EIF2D: variants seen among roughly 807,000 people sequenced by gnomAD.
The protein encoded by EIF2D is hepatocellular carcinoma-associated antigen 56.
Under a neutral mutation model 77.4 loss-of-function variants are expected in EIF2D, and 56 were observed. The observed-to-expected ratio is 0.72, with a 90% CI of 0.58 to 0.90. The LOEUF is 0.90. Among genes scored for constraint, EIF2D ranks in the 40% least tolerant of loss-of-function variants. The pLI is 0.00. For synonymous variants in EIF2D, 230 were observed against 271.0 expected (o/e 0.85, Z 1.49); for missense variants, 574 against 706.5 (o/e 0.81, Z 2.13).
intron 12 of EIF2D, 138 bp from the exon 13 acceptor site, chr1:206,595,976 C>T: frequency 8.5e-7 from 1 of 1,181,902 alleles, no homozygotes; most frequent in Non-Finnish European, 1.2e-6. Context: ...TCATTCAAAT[C>T]CCTAGGGAGC....
At chr1:206,608,214 G>T in intron 4 of EIF2D, 22 bp downstream of exon 4, 2 of 1,600,058 alleles carry the variant, frequency 1.2e-6, no homozygotes, top group Non-Finnish European at 1.7e-6. Flanking sequence ...TCCCCCAAAG[G>T]CACAGTTGCC....
intron 2 of EIF2D, chr1:206,585,627 C>T (rs1553407486): frequency 4.9e-6 from 1 of 203,122 alleles, no homozygotes; most frequent in Non-Finnish European, 1.0e-5. Context: ...CAAAATGGCC[C>T]GAGGGCTACC....
chr1:206,577,532 A>G (rs1213041471), intron 4 of EIF2D, among the ~76,000 whole-genome samples: 1 of 152,252 alleles, frequency 6.6e-6, no homozygotes, highest in Non-Finnish European at 1.5e-5. Flanking sequence ...CTTAGAGATT[A>G]TCTGACTTTC....
At chr1:206,591,026 T>C (rs1406140101), downstream of EIF2D, among the ~76,000 whole-genome samples, 1 of 152,136 alleles carries the variant, frequency 6.6e-6, no homozygotes, top group Admixed American at 6.5e-5. Flanking sequence ...TCGTACAAAA[T>C]CTGTGCACCA....
At chr1:206,587,127 G>A, downstream of EIF2D, 1 of 1,019,232 alleles carries the variant, frequency 9.8e-7, no homozygotes, top group South Asian at 1.4e-5. Flanking sequence ...TCTCTTCCAT[G>A]GACAAGTGTT....
chr1:206,586,535 C>G, intron 2 of EIF2D: 5 of 277,996 alleles, frequency 1.8e-5, no homozygotes, highest in South Asian at 8.2e-5. Context: ...GCATCACTGT[C>G]AAGATCTCGG....
At chr1:206,577,207 G>A (rs1468207310) in intron 4 of EIF2D, among the ~76,000 whole-genome samples, 4 of 152,144 alleles carry the variant, frequency 2.6e-5, no homozygotes, top group African/African-American at 9.7e-5. Context: ...TGCGTGGCCT[G>A]CAAAACCTAA....
Position 206,599,912 on chromosome 1 carries a change from T to A in EIF2D, c.949-76A>T. ...ACTGAGCACCCAGGATGTGCCAGAG[T>A]GAGCTAGGCAGGGACTGTGCAGGGA... is the stretch of plus-strand genomic sequence containing the variant. On this transcript the variant is annotated intron_variant, in intron 8 of 14. Coordinates refer to ENST00000271764, the MANE Select transcript of EIF2D (RefSeq NM_006893.3). This position sits in a 1 kb window ranked among gnomAD's most constrained non-coding sequence, Gnocchi z 4.1. The A allele has an allele frequency of 7.0e-7, 1 of 1,419,358 alleles. No individual in the cohort carries two copies. The highest frequency in any genetic ancestry group is 1.2e-5 in the South Asian group (1 of 84,810). The allele number at this position is 1,419,358 out of a possible 1,614,324, so 87.9% of individuals were successfully genotyped here.
chr1:206,603,331 C>A, intron 5 of EIF2D, 127 bp from the exon 6 acceptor site: 1 of 1,318,414 alleles, frequency 7.6e-7, no homozygotes. Flanking sequence ...CAGGAGGGGG[C>A]AGAGAGCCTG....
chr1:206,598,343 A>G (rs1669750229), intron 11 of EIF2D, among the ~76,000 whole-genome samples: 1 of 152,242 alleles, frequency 6.6e-6, no homozygotes, highest in South Asian at 2.1e-4. Context: ...CGGCCATTAA[A>G]GTAAAAAACA....
chr1:206,607,501 G>A (rs1670255251), intron 4 of EIF2D, among the ~76,000 whole-genome samples: 1 of 152,208 alleles, frequency 6.6e-6, no homozygotes, highest in African/African-American at 2.4e-5. Context: ...GCTCATGCCT[G>A]TGATCCCAAC....
Position 206,605,157 on chromosome 1 carries a change from C to T in EIF2D, c.530+243G>A, listed in dbSNP as rs550284226. 6.8e-5 allele frequency: 26 copies of T among 382,822 alleles called. 1 individual carries two copies. The South Asian group carries it at 8.6e-4, about 13-fold the overall frequency. The allele number at this position is 382,822 out of a possible 1,614,324, so 23.7% of individuals were successfully genotyped here. A position where few individuals can be genotyped will look rare whatever the true frequency, so the allele number is the denominator to read the frequency against. ...TGTACTGAGAGGCAGAGCAGATGATCCCTAAGGTCTTCCTTTGGGTCTAAG... is the reference window on the plus strand; with the variant it reads ...TGTACTGAGAGGCAGAGCAGATGATTCCTAAGGTCTTCCTTTGGGTCTAAG... On this transcript the variant is annotated intron_variant, in intron 5 of 14. Transcript: ENST00000271764.
chr1:206,602,417 T>C lies in EIF2D; in HGVS notation c.821A>G (p.His274Arg), dbSNP rs1175776063. The change falls in exon 7 of 15, where the codon CAT becomes CGT. Residue 274 changes from histidine (H) to arginine (R), a missense_variant. Transcript: ENST00000271764. ...MDELLQQCFL[H>R]ALKCRVKKAD... Reference sequence around the variant, plus strand: ...CTTTTTGACTCGGCACTTCAAGGCATGTAAGAAGCATTGCTGTAACAGCTC... The same window carrying C: ...CTTTTTGACTCGGCACTTCAAGGCACGTAAGAAGCATTGCTGTAACAGCTC... The C allele has an allele frequency of 6.2e-6, 10 of 1,614,096 alleles. No homozygotes were observed. Among genetic ancestry groups the C allele is most frequent in the Admixed American group, 3.3e-5 (2 of 60,008 alleles).
chr1:206,583,386 G>A (rs558761399), intron 2 of EIF2D: 7 of 1,594,934 alleles, frequency 4.4e-6, no homozygotes, highest in East Asian at 4.5e-5. Context: ...ACTGGTAAGC[G>A]CCCGTCCACC....
chr1:206,602,190 T>C, intron 7 of EIF2D, 146 bp downstream of exon 7: 1 of 595,540 alleles, frequency 1.7e-6, no homozygotes, highest in Non-Finnish European at 3.0e-6. Flanking sequence ...CAGGAACTAA[T>C]GTATTTGTCA....
chr1:206,609,490 T>C (rs1297967966), intron 2 of EIF2D, 31 bp from the exon 3 acceptor site: 12 of 1,572,404 alleles, frequency 7.6e-6, no homozygotes, highest in South Asian at 1.1e-5. Flanking sequence ...AAAACACTAC[T>C]ACCAAAAAGC....
At position 206,597,120 on chromosome 1, in the gene EIF2D, T is replaced by C; in HGVS notation, c.1368A>G (p.Pro456=). The C allele has an allele frequency of 6.2e-7, 1 of 1,614,050 alleles. No individual in the cohort carries two copies. The change falls in exon 12 of 15, where the codon CCA becomes CCG. Residue 456 remains proline (P), a synonymous_variant. Coordinates refer to ENST00000271764, the MANE Select transcript of EIF2D (RefSeq NM_006893.3). ...KNEQHTVMKL[P]WDSLLTRCLE... Reference sequence around the variant, plus strand: ...GTTACCTGGTCAGAAGACTGTCCCATGGAAGCTTCATGACTGTATGCTGTT... The same window carrying C: ...GTTACCTGGTCAGAAGACTGTCCCACGGAAGCTTCATGACTGTATGCTGTT...
intron 5 of EIF2D, among the ~76,000 whole-genome samples, chr1:206,603,782 G>A (rs966829233): frequency 3.9e-5 from 6 of 152,178 alleles, no homozygotes; most frequent in East Asian, 1.9e-4. Context: ...GAAAACAGGC[G>A]ATGCCACATA....
intron 2 of EIF2D, among the ~76,000 whole-genome samples, chr1:206,582,732 T>G (rs1337209262): frequency 6.6e-6 from 1 of 152,226 alleles, no homozygotes; most frequent in African/African-American, 2.4e-5. Flanking sequence ...CTGGTCTCTA[T>G]GTGTCCTTGG....
Sources: gnomAD v4.1 joint callset for allele counts (sites outside exome capture counted in the v4.1 genomes callset) on GRCh38, gnomAD v4.1.1 for gene constraint, Gnocchi (gnomAD v3.1) non-coding constraint, MANE v1.5 for transcripts, NCBI Gene and HGNC (gene_info 2026-07-23, HGNC 2026-07-21) for gene names.